The following C4orf36 variants were observed in gnomAD, a reference collection of about 807,000 sequenced individuals.
C4orf36 encodes the protein uncharacterized protein C4orf36.
A neutral mutation model predicts 12.2 loss-of-function variants in C4orf36; 11 were observed. The observed-to-expected ratio is 0.90, with a 90% CI of 0.57 to 1.49. The LOEUF (loss-of-function observed/expected upper bound fraction) is 1.49. Ranked by LOEUF, C4orf36 falls within the 40% of genes most tolerant of loss-of-function variation. The pLI, the probability that C4orf36 is intolerant of heterozygous loss-of-function variation, is 0.00. For missense variants in C4orf36, 137 were observed against 133.9 expected (o/e 1.02, Z -0.11); for synonymous variants, 54 against 51.3 (o/e 1.05, Z -0.22).
intron 4 of C4orf36, among the ~76,000 whole-genome samples, chr4:86,883,025 G>A (rs903348576): frequency 6.6e-6 from 1 of 152,100 alleles, no homozygotes; most frequent in Admixed American, 6.6e-5. Flanking sequence ...ATGGTCTTTT[G>A]GACAACAGAT....
chr4:86,917,955 C>T, the C4orf36 span, among the ~76,000 whole-genome samples: 1 of 152,242 alleles, frequency 6.6e-6, no homozygotes, highest in Non-Finnish European at 1.5e-5. Context: ...ACTGTAATCA[C>T]ATGGGACCAT....
chr4:86,901,762 G>C, the C4orf36 span, among the ~76,000 whole-genome samples: 1 of 152,142 alleles, frequency 6.6e-6, no homozygotes, highest in Admixed American at 6.5e-5. Context: ...TGCTTGCTCT[G>C]CTTTTCCCTC....
the C4orf36 span, among the ~76,000 whole-genome samples, chr4:86,902,434 A>AAG: frequency 6.6e-6 from 1 of 151,002 alleles, no homozygotes; most frequent in African/African-American, 2.4e-5. Flanking sequence ...AAAAAAAAAA[A>AAG]AAAAAAAAGA....
intron 4 of C4orf36, among the ~76,000 whole-genome samples, chr4:86,884,386 C>T (rs568136585): frequency 6.7e-6 from 1 of 149,730 alleles, no homozygotes; most frequent in African/African-American, 2.5e-5. Flanking sequence ...CTCAATGCAG[C>T]GTCAAACTAC....
At chr4:86,923,577 G>A in the C4orf36 span, among the ~76,000 whole-genome samples, 1 of 152,022 alleles carries the variant, frequency 6.6e-6, no homozygotes, top group African/African-American at 2.4e-5. Flanking sequence ...GGCCAATGTG[G>A]TGAAACCCTG....
chr4:86,904,141 C>G, the C4orf36 span, among the ~76,000 whole-genome samples: 4 of 152,232 alleles, frequency 2.6e-5, no homozygotes, highest in African/African-American at 9.6e-5. Context: ...CCTGGGCACT[C>G]CGGTAGCCCA....
At chr4:86,891,748 G>A (rs1747425275) in intron 1 of C4orf36, among the ~76,000 whole-genome samples, 155 bp from the exon 2 acceptor site, 2 of 152,080 alleles carry the variant, frequency 1.3e-5, no homozygotes, top group African/African-American at 4.8e-5. Context: ...ATTTTTCCAT[G>A]AACTCATTTT....
the C4orf36 span, among the ~76,000 whole-genome samples, chr4:86,911,511 C>G: frequency 2.0e-5 from 3 of 152,312 alleles, no homozygotes; most frequent in South Asian, 6.2e-4. Flanking sequence ...TACCAAGTCT[C>G]TGGCCTTCTG....
At chr4:86,901,367 TCACTCA>T in the C4orf36 span, among the ~76,000 whole-genome samples, 1 of 151,072 alleles carries the variant, frequency 6.6e-6, no homozygotes, top group African/African-American at 2.4e-5. Context: ...TCTGTCTCTC[TCACTCA>T]CACTCACACA....
At chr4:86,911,329 A>C in the C4orf36 span, among the ~76,000 whole-genome samples, 1 of 152,184 alleles carries the variant, frequency 6.6e-6, no homozygotes, top group Admixed American at 6.5e-5. Context: ...TTTGTGGAAT[A>C]AAATCAGATT....
At chr4:86,934,887 A>C in the C4orf36 span, 1 of 152,020 alleles carries the variant, frequency 6.6e-6, no homozygotes, top group East Asian at 1.9e-4. Context: ...GGGTGGCGCC[A>C]GCTAGAGGGC....
the C4orf36 span, among the ~76,000 whole-genome samples, chr4:86,897,909 C>T: frequency 6.8e-3 from 1,039 of 152,282 alleles, 15 homozygotes; most frequent in African/African-American, 0.023. Context: ...TTGAATTCCT[C>T]CCTCAGGCAA....
rs1747448740 is a variant in C4orf36 at position 86,892,231 on chromosome 4, G to C, written c.-122C>G. On this transcript the variant is annotated 5_prime_UTR_variant, in exon 1 of 5. Transcript: ENST00000295898. ...TCGCCAGGAATGCGCTGTGTGCGCGGGGCTTCCAGGGTGGCGGGTCCCCGC... is the reference window on the plus strand; with the variant it reads ...TCGCCAGGAATGCGCTGTGTGCGCGCGGCTTCCAGGGTGGCGGGTCCCCGC... 1.0e-6 allele frequency: 1 copy of C among 985,746 alleles called. No homozygotes were observed. The highest frequency in any genetic ancestry group is 6.1e-5 in the Admixed American group (1 of 16,296). The allele number at this position is 985,746 out of a possible 1,614,324, so 61.1% of individuals were successfully genotyped here. A position where few individuals can be genotyped will look rare whatever the true frequency, so the allele number is the denominator to read the frequency against.
At chr4:86,919,313 C>CCG in the C4orf36 span, among the ~76,000 whole-genome samples, 1 of 126,810 alleles carries the variant, frequency 7.9e-6, no homozygotes, top group South Asian at 2.6e-4. Flanking sequence ...GCTTTTTTCC[C>CCG]CCTTTTTTTT....
At chr4:86,880,672 AC>A (rs1747031523) in intron 4 of C4orf36, among the ~76,000 whole-genome samples, 1 of 152,270 alleles carries the variant, frequency 6.6e-6, no homozygotes, top group Admixed American at 6.5e-5. Context: ...TCAAGTTGAA[AC>A]AAAAAGACAC....
chr4:86,897,925 A>G, the C4orf36 span, among the ~76,000 whole-genome samples: 5 of 152,240 alleles, frequency 3.3e-5, no homozygotes, highest in Non-Finnish European at 4.4e-5. Flanking sequence ...GGCAAGCACA[A>G]AGCATTAGTT....
At chr4:86,901,034 G>T in the C4orf36 span, among the ~76,000 whole-genome samples, 1 of 151,292 alleles carries the variant, frequency 6.6e-6, no homozygotes, top group Non-Finnish European at 1.5e-5. Flanking sequence ...ACCCAGGCTG[G>T]AGTGCAGCAG....
Position 86,876,415 on chromosome 4 carries a change from G to C in C4orf36, c.*31C>G. Reference sequence around the variant, plus strand: ...AAGCAGTTCCCGCCGGCGCTGCTGAGTTTCTTCATCTACAATCCGCGCTTC... The same window carrying C: ...AAGCAGTTCCCGCCGGCGCTGCTGACTTTCTTCATCTACAATCCGCGCTTC... On this transcript the variant is annotated 3_prime_UTR_variant, in exon 5 of 5. Coordinates refer to ENST00000295898, the MANE Select transcript of C4orf36 (RefSeq NM_144645.4). 3 of 1,612,874 alleles carry C rather than the reference G, an allele frequency of 1.9e-6. No individual in the cohort carries two copies. In the South Asian group the frequency reaches 3.3e-5, roughly 18 times the overall value.
intron 4 of C4orf36, among the ~76,000 whole-genome samples, chr4:86,883,015 A>T (rs1747083854): frequency 6.6e-6 from 1 of 152,194 alleles, no homozygotes; most frequent in Non-Finnish European, 1.5e-5. Context: ...AGCCATCCTG[A>T]TGGTCTTTTG....
Sources: gnomAD v4.1 joint callset for allele counts (sites outside exome capture counted in the v4.1 genomes callset) on GRCh38, gnomAD v4.1.1 for gene constraint, MANE v1.5 for transcripts, NCBI Gene and HGNC (gene_info 2026-07-23, HGNC 2026-07-21) for gene names.